The following ANXA6 variants were observed in gnomAD, a reference collection of about 807,000 sequenced individuals.
ANXA6 encodes annexin A6, also known as 67 kDa calelectrin.
Under a neutral mutation model 95.4 loss-of-function variants are expected in ANXA6, and 71 were observed. That is an observed-to-expected ratio of 0.74 (90% CI 0.61 to 0.91). The LOEUF is 0.91. ANXA6 is among the 40% of genes least tolerant of loss of function. The pLI is 0.00. For synonymous variants in ANXA6, 289 were observed against 315.9 expected (o/e 0.91, Z 0.90); for missense variants, 830 against 876.4 (o/e 0.95, Z 0.67).
intron 25 of ANXA6, among the ~76,000 whole-genome samples, chr5:151,103,363 T>C (rs1172591824): frequency 6.6e-6 from 1 of 152,232 alleles, no homozygotes; most frequent in South Asian, 2.1e-4. Context: ...CTTGTTTTAT[T>C]TGGAAATCTT....
At chr5:151,117,897 G>A in intron 18 of ANXA6, 60 bp from the exon 19 acceptor site, 2 of 1,426,340 alleles carry the variant, frequency 1.4e-6, no homozygotes, top group Non-Finnish European at 2.0e-6. Flanking sequence ...GTTGCGGGGA[G>A]GGAGGTCCAG....
chr5:151,127,342 T>C (rs1185934967), intron 13 of ANXA6, among the ~76,000 whole-genome samples: 1 of 152,248 alleles, frequency 6.6e-6, no homozygotes, highest in Admixed American at 6.5e-5. Flanking sequence ...GAGCGCAGCC[T>C]GTTCCCTTTC....
intron 20 of ANXA6, 75 bp from the exon 21 acceptor site, chr5:151,110,719 G>C: frequency 1.9e-6 from 3 of 1,549,832 alleles, no homozygotes; most frequent in South Asian, 1.1e-5. Context: ...GCTGGTGCTG[G>C]GGCCCTGGGG....
intron 1 of ANXA6, among the ~76,000 whole-genome samples, chr5:151,150,290 C>T (rs116342608): frequency 0.012 from 1,797 of 152,186 alleles, 36 homozygotes; most frequent in African/African-American, 0.042. Context: ...GCCATGTGAC[C>T]GTGGGCTTAT....
At chr5:151,155,468 G>A (rs1322709122) in intron 1 of ANXA6, 1 of 152,132 alleles carries the variant, frequency 6.6e-6, no homozygotes, top group African/African-American at 2.4e-5. Flanking sequence ...GCCAGTCTCT[G>A]TGGGGGCTTC....
Position 151,117,118 on chromosome 5 carries a change from G to T in ANXA6, c.1572+9C>A. 1 of 1,584,810 alleles carries T rather than the reference G, an allele frequency of 6.3e-7. No homozygotes were observed. Among genetic ancestry groups the T allele is most frequent in the Non-Finnish European group, 8.6e-7 (1 of 1,162,172 alleles). ...GGCAGAGGTGACTGGGGTGGGCTGG[G>T]GGTCTTACCTGGGCATCTTCCCGTG... On this transcript the variant is annotated intron_variant, in intron 20 of 25. Transcript: ENST00000354546.
chr5:151,109,655 G>A (rs1764792423), intron 22 of ANXA6, 98 bp downstream of exon 22: 5 of 932,084 alleles, frequency 5.4e-6, no homozygotes, highest in South Asian at 2.8e-5. Context: ...GAGGAGGTGG[G>A]TGGGCAACGG....
At position 151,100,902 on chromosome 5, in the gene ANXA6, CA is replaced by C. The variant is rs1207140374; in HGVS notation, c.*545del. 8.8e-6 allele frequency: 4 copies of C among 456,372 alleles called. No individual in the cohort carries two copies. Among genetic ancestry groups the C allele is most frequent in the Non-Finnish European group, 1.8e-5 (4 of 227,056 alleles). The allele number at this position is 456,372 out of a possible 1,614,324, so 28.3% of individuals were successfully genotyped here. A position where few individuals can be genotyped will look rare whatever the true frequency, so the allele number is the denominator to read the frequency against. Reference sequence around the variant, plus strand: ...GCTGGCCTAAGGTCAGAAACAAGTGCATGGCAGATGCAGATTTGAACCCAGG... The same window carrying C: ...GCTGGCCTAAGGTCAGAAACAAGTGCTGGCAGATGCAGATTTGAACCCAGG... On this transcript the variant is annotated 3_prime_UTR_variant, in exon 26 of 26. Coordinates refer to ENST00000354546, the MANE Select transcript of ANXA6 (RefSeq NM_001155.5).
intron 1 of ANXA6, among the ~76,000 whole-genome samples, chr5:151,148,412 C>T (rs1165266737): frequency 6.6e-6 from 1 of 152,178 alleles, no homozygotes; most frequent in Non-Finnish European, 1.5e-5. Flanking sequence ...CTTTTCAAGT[C>T]AACAAGGATG....
intron 2 of ANXA6, among the ~76,000 whole-genome samples, chr5:151,143,117 A>C (rs1451393274): frequency 1.3e-5 from 2 of 152,232 alleles, no homozygotes; most frequent in Non-Finnish European, 2.9e-5. Flanking sequence ...TGTGTCCCAG[A>C]AGACCCAGAA....
chr5:151,102,436 G>A (rs34037960), intron 25 of ANXA6, among the ~76,000 whole-genome samples: 4,198 of 152,242 alleles, frequency 0.028, 73 homozygotes, highest in South Asian at 0.075. Context: ...AGGTGTGGTG[G>A]CTCACACCTG....
intron 18 of ANXA6, among the ~76,000 whole-genome samples, chr5:151,119,013 G>A (rs1311466733): frequency 6.6e-6 from 1 of 152,202 alleles, no homozygotes. Flanking sequence ...CTGTAGAACT[G>A]CATGGACTAC....
intron 24 of ANXA6, among the ~76,000 whole-genome samples, chr5:151,104,599 A>G (rs540448974): frequency 6.6e-6 from 1 of 152,358 alleles, no homozygotes; most frequent in East Asian, 1.9e-4. Context: ...GTGAGTGCTC[A>G]ATGAATGGCT....
chr5:151,154,050 T>G (rs144959993), intron 1 of ANXA6, among the ~76,000 whole-genome samples: 1 of 152,206 alleles, frequency 6.6e-6, no homozygotes, highest in East Asian at 1.9e-4. Context: ...TACTATTGGT[T>G]TTCAAACTGT....
intron 22 of ANXA6, 87 bp downstream of exon 22, chr5:151,109,666 G>A: frequency 1.4e-5 from 15 of 1,088,196 alleles, no homozygotes; most frequent in Non-Finnish European, 2.1e-5. Flanking sequence ...TGGGCAACGG[G>A]CTCCTCTTGC....
intron 7 of ANXA6, among the ~76,000 whole-genome samples, chr5:151,135,911 G>T (rs887482055): frequency 1.3e-5 from 2 of 152,154 alleles, no homozygotes; most frequent in Non-Finnish European, 2.9e-5. Flanking sequence ...TACTTTGGGC[G>T]GGCGGTGAGG....
Position 151,122,974 on chromosome 5 carries a change from G to C in ANXA6, c.1176C>G (p.His392Gln), listed in dbSNP as rs1353844089. The change falls in exon 16 of 26, where the codon CAC (histidine) becomes CAG (glutamine). Residue 392 changes from histidine to glutamine, a missense_variant. Physicochemically the swap from His to Gln is conservative, Grantham distance 24 (BLOSUM62 0). Coordinates refer to ENST00000354546, the MANE Select transcript of ANXA6 (RefSeq NM_001155.5). Reference protein sequence around the residue: ...DEDTIIDIITHRSNVQRQQIR... With the variant: ...DEDTIIDIITQRSNVQRQQIR... ...TCTGCTGCCGCTGGACATTGCTGCG[G>C]TGCGTGATGATATCGATGATTGTGT... is the stretch of plus-strand genomic sequence containing the variant. 20 of 1,613,838 alleles carry C rather than the reference G, an allele frequency of 1.2e-5. No homozygotes were observed. Among genetic ancestry groups the C allele is most frequent in the Non-Finnish European group, 1.5e-5 (18 of 1,179,904 alleles).
At chr5:151,139,301 T>A (rs761945042) in intron 4 of ANXA6, 52 bp downstream of exon 4, 12 of 1,322,384 alleles carry the variant, frequency 9.1e-6, no homozygotes, top group Non-Finnish European at 1.3e-5. Flanking sequence ...CACAGGTGAA[T>A]GAAATCATTC....
chr5:151,105,326 G>A (rs1332591657), intron 23 of ANXA6, 23 bp from the exon 24 acceptor site: 3 of 1,612,866 alleles, frequency 1.9e-6, no homozygotes, highest in Non-Finnish European at 2.5e-6. Flanking sequence ...GCAGAGAGAT[G>A]CGGGGAACGT....
Sources: allele counts gnomAD v4.1 joint callset (sites outside exome capture counted in the v4.1 genomes callset), GRCh38; gene constraint gnomAD v4.1.1; transcripts MANE v1.5; gene names NCBI Gene and HGNC (gene_info 2026-07-23, HGNC 2026-07-21).